Variants in MSRA observed in about 807,000 individuals in gnomAD.
MSRA encodes mitochondrial peptide methionine sulfoxide reductase.
In MSRA, 54 loss-of-function variants were observed where a neutral mutation model predicts 31.3. The ratio of observed to expected loss-of-function variants is 1.73; its 90% CI spans 1.39 to 2.17. The LOEUF (loss-of-function observed/expected upper bound fraction) is 2.17, where lower values mean the gene tolerates loss of function less well. Ranked by LOEUF, MSRA falls within the 30% of genes most tolerant of loss-of-function variation. MSRA has a pLI of 0.00. For synonymous variants in MSRA, 169 were observed against 116.5 expected (o/e 1.45, Z -2.90); for missense variants, 507 against 300.9 (o/e 1.69, Z -5.07).
rs189877102 is a variant in MSRA, at chr8:10,380,200, G to A, written c.544-47948G>A. On this transcript the variant is annotated intron_variant, in intron 5 of 5. Coordinates refer to ENST00000317173, the MANE Select transcript of MSRA (RefSeq NM_012331.5). Reference sequence around the variant, plus strand: ...TTTTGTTTCGTCTGCCTTTTCATGTGCTGTTTCCTCTGCCTAAATGTTTAT... The same window carrying A: ...TTTTGTTTCGTCTGCCTTTTCATGTACTGTTTCCTCTGCCTAAATGTTTAT... Among the ~76,000 whole-genome samples, 12 of 152,286 alleles carry A rather than the reference G, an allele frequency of 7.9e-5. No individual in the cohort carries two copies. In the East Asian group the frequency reaches 1.7e-3, roughly 22 times the overall value.
intron 5 of MSRA, among the ~76,000 whole-genome samples, chr8:10,326,865 C>T (rs76628792): frequency 0.012 from 1,890 of 152,228 alleles, 19 homozygotes; most frequent in African/African-American, 0.032. Flanking sequence ...ATGTGGCCTC[C>T]GGTAGAGTGA....
intron 1 of MSRA, among the ~76,000 whole-genome samples, chr8:10,167,328 C>G (rs549620284): frequency 6.6e-6 from 1 of 152,278 alleles, no homozygotes; most frequent in Admixed American, 6.5e-5. Context: ...ACATGGAAAC[C>G]AATCACATAA....
chr8:10,229,769 G>A (rs754170799), intron 2 of MSRA, among the ~76,000 whole-genome samples: 3 of 152,200 alleles, frequency 2.0e-5, no homozygotes, highest in Non-Finnish European at 4.4e-5. Context: ...GTTTCAGCAC[G>A]TAAGTCTGAT....
At chr8:10,296,223 G>A (rs1227249908) in intron 3 of MSRA, among the ~76,000 whole-genome samples, 2 of 152,154 alleles carry the variant, frequency 1.3e-5, no homozygotes, top group African/African-American at 2.4e-5. Context: ...TGGATAAATT[G>A]GAGTGAGGCA....
intron 1 of MSRA, among the ~76,000 whole-genome samples, chr8:10,207,099 G>A (rs1334760290): frequency 6.6e-6 from 1 of 152,150 alleles, no homozygotes; most frequent in African/African-American, 2.4e-5. Context: ...TCATAGATGG[G>A]GAATACTCAT....
intron 2 of MSRA, among the ~76,000 whole-genome samples, chr8:10,217,352 A>G (rs1810083375): frequency 1.3e-5 from 2 of 152,178 alleles, no homozygotes; most frequent in South Asian, 2.1e-4. Context: ...TCTCCCCACA[A>G]GGGACTATTT....
At chr8:10,126,205 T>C (rs1256657078) in intron 1 of MSRA, among the ~76,000 whole-genome samples, 1 of 152,248 alleles carries the variant, frequency 6.6e-6, no homozygotes, top group Non-Finnish European at 1.5e-5. Flanking sequence ...GTCACAGTTG[T>C]TGAAGCCAGA....
intron 5 of MSRA, among the ~76,000 whole-genome samples, chr8:10,375,573 G>C (rs547114719): frequency 6.6e-6 from 1 of 152,318 alleles, no homozygotes; most frequent in African/African-American, 2.4e-5. Context: ...CAACCAGCCA[G>C]GGAGTCAAGG....
chr8:10,258,384 C>G (rs1028843576), intron 3 of MSRA, among the ~76,000 whole-genome samples: 5 of 152,184 alleles, frequency 3.3e-5, no homozygotes, highest in Non-Finnish European at 5.9e-5. Flanking sequence ...AATTGGAAAG[C>G]AGGACCTGTT....
At chr8:10,286,342 C>G (rs577172435) in intron 3 of MSRA, among the ~76,000 whole-genome samples, 1 of 152,226 alleles carries the variant, frequency 6.6e-6, no homozygotes, top group African/African-American at 2.4e-5. Flanking sequence ...TGGTGCTGTT[C>G]TCATGATAGT....
intron 1 of MSRA, among the ~76,000 whole-genome samples, chr8:10,153,411 C>T (rs1372294036): frequency 6.6e-6 from 1 of 152,160 alleles, no homozygotes; most frequent in Non-Finnish European, 1.5e-5. Context: ...CTTCCTTTTC[C>T]CTGCTGGTCC....
intron 3 of MSRA, among the ~76,000 whole-genome samples, chr8:10,297,750 T>G: frequency 6.6e-6 from 1 of 152,202 alleles, no homozygotes; most frequent in East Asian, 1.9e-4. Flanking sequence ...GTAGTTTCTT[T>G]TAAACAACCA....
At chr8:10,354,257 A>G (rs1804371952) in intron 5 of MSRA, among the ~76,000 whole-genome samples, 1 of 152,218 alleles carries the variant, frequency 6.6e-6, no homozygotes, top group Non-Finnish European at 1.5e-5. Flanking sequence ...TTACTAAGCC[A>G]TTAGTTGAAT....
intron 3 of MSRA, among the ~76,000 whole-genome samples, chr8:10,256,461 G>C (rs1798185821): frequency 1.3e-5 from 2 of 152,212 alleles, no homozygotes; most frequent in African/African-American, 2.4e-5. Context: ...GTTCAGTAGA[G>C]ATTAATGCAA....
intron 3 of MSRA, chr8:10,250,394 G>C (rs995916538): frequency 4.1e-5 from 29 of 701,432 alleles, no homozygotes; most frequent in Non-Finnish European, 6.5e-5. Flanking sequence ...TCATTCACTG[G>C]GTAATATCTT....
At chr8:10,239,868 G>A (rs1812260041) in intron 2 of MSRA, among the ~76,000 whole-genome samples, 1 of 151,518 alleles carries the variant, frequency 6.6e-6, no homozygotes, top group African/African-American at 2.4e-5. Flanking sequence ...CCTTTGGAGT[G>A]TTTGATTCAG....
chr8:10,377,152 C>G (rs940931300), intron 5 of MSRA, among the ~76,000 whole-genome samples: 2 of 152,228 alleles, frequency 1.3e-5, no homozygotes, highest in Admixed American at 6.5e-5. Flanking sequence ...GTAATGATCG[C>G]GAGTTTTTCT....
At chr8:10,085,785 T>A (rs1798529730) in intron 1 of MSRA, among the ~76,000 whole-genome samples, 1 of 152,234 alleles carries the variant, frequency 6.6e-6, no homozygotes, top group South Asian at 2.1e-4. Context: ...ATTGATCTGC[T>A]TTCTGTCTCC....
chr8:10,283,372 C>G (rs1014088776), intron 3 of MSRA, among the ~76,000 whole-genome samples: 10 of 152,110 alleles, frequency 6.6e-5, no homozygotes, highest in African/African-American at 2.2e-4. Flanking sequence ...GCAGCTAAAG[C>G]TGCTTCGTGT....
Sources: gnomAD v4.1 joint callset for allele counts (sites outside exome capture counted in the v4.1 genomes callset) on GRCh38, gnomAD v4.1.1 for gene constraint, MANE v1.5 for transcripts, NCBI Gene and HGNC (gene_info 2026-07-23, HGNC 2026-07-21) for gene names.